The following CAPN5 variants were observed in gnomAD, a reference collection of about 807,000 sequenced individuals.
CAPN5 encodes the protein calpain-5.
A neutral mutation model predicts 73.0 loss-of-function variants in CAPN5; 54 were observed. The ratio of observed to expected loss-of-function variants is 0.74; its 90% CI spans 0.59 to 0.93. The LOEUF is 0.93. Among genes scored for constraint, CAPN5 ranks in the 40% least tolerant of loss-of-function variants. The pLI is 0.00. For missense variants in CAPN5, 785 were observed against 882.9 expected (o/e 0.89, Z 1.41); for synonymous variants, 335 against 356.9 (o/e 0.94, Z 0.69).
rs1459199941 is a variant in CAPN5 at position 77,125,639 on chromosome 11, T to TATATATATATAC, written c.*1770_*1771insTATATATATACA. ...CTATATATATATATATATATATATATACATTCATGTAATCACCACTTCTCG... is the reference window on the plus strand; with the variant it reads ...CTATATATATATATATATATATATATATATATATATACACATTCATGTAATCACCACTTCTCG... On this transcript the variant is annotated 3_prime_UTR_variant, in exon 13 of 13. Coordinates refer to ENST00000648180, the MANE Select transcript of CAPN5 (RefSeq NM_004055.5). 1 of 149,794 alleles carries TATATATATATAC rather than the reference T, an allele frequency of 6.7e-6. No homozygotes were observed. The highest frequency in any genetic ancestry group is 2.5e-5 in the African/African-American group (1 of 40,410). 9.3% of individuals were successfully genotyped at this position (149,794 alleles called of 1,614,324 possible). A position where few individuals can be genotyped will look rare whatever the true frequency, so the allele number is the denominator to read the frequency against.
At chr11:77,105,086 C>A (rs1950330136) in intron 3 of CAPN5, among the ~76,000 whole-genome samples, 1 of 151,690 alleles carries the variant, frequency 6.6e-6, no homozygotes, top group South Asian at 2.1e-4. Flanking sequence ...TGCTTGAGCT[C>A]TTCCTGCAGC....
intron 1 of CAPN5, among the ~76,000 whole-genome samples, chr11:77,081,791 G>T (rs996556964): frequency 6.6e-6 from 1 of 152,268 alleles, no homozygotes; most frequent in Non-Finnish European, 1.5e-5. Context: ...CTGTCAGGGA[G>T]GGGAGGAGAG....
rs71043542 is a variant in CAPN5 at position 77,067,632 on chromosome 11, CGTGT to C, written c.-36+573_-36+576del. Among the ~76,000 whole-genome samples, 324 of 126,728 alleles carry C rather than the reference CGTGT, an allele frequency of 2.6e-3. 1 individual carries two copies. The highest frequency in any genetic ancestry group is 0.012 in the Middle Eastern group (3 of 244). 83.1% of individuals were successfully genotyped at this position (126,728 alleles called of 152,430 possible). On this transcript the variant is annotated intron_variant, in intron 1 of 12. Transcript: ENST00000648180. ...TCTCCTTGACTGCAGGGCGGGCGCA[CGTGT>C]GTGTGTGTGTGTGTGTGTGTGTGTG...
At chr11:77,068,662 G>A (rs1555032550) in intron 1 of CAPN5, among the ~76,000 whole-genome samples, 1 of 152,196 alleles carries the variant, frequency 6.6e-6, no homozygotes, top group African/African-American at 2.4e-5. Flanking sequence ...ATAAGGAGGA[G>A]GCCAAAGCAG....
chr11:77,083,615 A>T (rs1950050026), intron 1 of CAPN5, among the ~76,000 whole-genome samples: 1 of 152,126 alleles, frequency 6.6e-6, no homozygotes, highest in Admixed American at 6.5e-5. Context: ...GGCCAGGGAA[A>T]TGGGGCGTCT....
At chr11:77,081,448 G>GC (rs1184625834) in intron 1 of CAPN5, among the ~76,000 whole-genome samples, 3 of 152,174 alleles carry the variant, frequency 2.0e-5, no homozygotes, top group African/African-American at 4.8e-5. Context: ...AGTTGTGGTA[G>GC]CCCCCCCATA....
At chr11:77,099,997 C>T (rs1171280412) in intron 3 of CAPN5, among the ~76,000 whole-genome samples, 6 of 152,006 alleles carry the variant, frequency 3.9e-5, no homozygotes, top group African/African-American at 7.3e-5. Flanking sequence ...CCACCATACC[C>T]GGCTAATTTT....
intron 3 of CAPN5, among the ~76,000 whole-genome samples, chr11:77,105,739 A>C (rs1468047973): frequency 6.6e-6 from 1 of 152,170 alleles, no homozygotes; most frequent in African/African-American, 2.4e-5. Flanking sequence ...GGAATTGTCA[A>C]ACCTGTGCTG....
intron 3 of CAPN5, among the ~76,000 whole-genome samples, chr11:77,099,763 C>T (rs142009766): frequency 6.4e-5 from 9 of 139,836 alleles, no homozygotes; most frequent in Non-Finnish European, 1.3e-4. Flanking sequence ...GAGAGGGAGA[C>T]GGAGAGGGAG....
chr11:77,074,266 T>C (rs534756038), intron 1 of CAPN5, among the ~76,000 whole-genome samples: 1 of 152,200 alleles, frequency 6.6e-6, no homozygotes, highest in South Asian at 2.1e-4. Flanking sequence ...ATCTGACCTT[T>C]AGTCTTGCCC....
chr11:77,122,857 T>A, intron 12 of CAPN5, 145 bp downstream of exon 12: 1 of 1,042,252 alleles, frequency 9.6e-7, no homozygotes, highest in Non-Finnish European at 1.4e-6. Flanking sequence ...ACCCCTGGTG[T>A]GGCTTTGGGA....
Position 77,116,247 on chromosome 11 carries a change from G to A in CAPN5, c.915G>A (p.Val305=). 6.2e-7 allele frequency: 1 copy of A among 1,613,408 alleles called. No individual in the cohort carries two copies. Among genetic ancestry groups the A allele is most frequent in the Non-Finnish European group, 8.5e-7 (1 of 1,179,756 alleles). The change falls in exon 7 of 13, where the codon GTG becomes GTA. Residue 305 remains valine, a synonymous_variant. Coordinates refer to ENST00000648180, the MANE Select transcript of CAPN5 (RefSeq NM_004055.5). The part of the protein sequence containing the change: ...WSDTSEEWQK[V]SKSEREKMGV... The stretch of plus-strand genomic sequence containing the variant: ...CCAGCTCGGAGGAGTGGCAGAAAGT[G>A]AGCAAGAGTGAGCGGGAGAAGATGG...
In CAPN5 at chr11:77,115,395, G is replaced by A. The variant is rs782240523; in HGVS notation, c.700G>A (p.Ala234Thr). 1 of 1,598,790 alleles carries A rather than the reference G, an allele frequency of 6.3e-7. No homozygotes were observed. Among genetic ancestry groups the A allele is most frequent in the Non-Finnish European group, 8.6e-7 (1 of 1,169,292 alleles). Residue 234 changes from alanine (A) to threonine (T), a missense_variant and splice_region_variant, in exon 6 of 13, where the codon GCA (alanine) becomes ACA (threonine). By Grantham distance (58) the Ala-to-Thr change is moderately conservative. Transcript: ENST00000648180. ...RGGLISASIKAVTAADMEARL... is the reference protein window; with the variant it reads ...RGGLISASIKTVTAADMEARL... The stretch of plus-strand genomic sequence containing the variant: ...TCTGAGCAACTGTGTCCCTCCACAG[G>A]CAGTGACAGCAGCTGACATGGAGGC...
intron 8 of CAPN5, 56 bp from the exon 9 acceptor site, chr11:77,118,974 C>T (rs1950495440): frequency 1.3e-6 from 2 of 1,564,000 alleles, no homozygotes; most frequent in Non-Finnish European, 1.7e-6. Flanking sequence ...CCAGCCAGCC[C>T]ATGCCTGGTG....
rs1318009681 is a variant in CAPN5, at chr11:77,113,013, G to C, written c.506+216G>C. The C allele has an allele frequency of 6.7e-6, 4 of 600,494 alleles. No homozygotes were observed. The Admixed American group carries it at 1.2e-4, about 18-fold the overall frequency. 37.2% of individuals were successfully genotyped at this position (600,494 alleles called of 1,614,324 possible). A position where few individuals can be genotyped will look rare whatever the true frequency, so the allele number is the denominator to read the frequency against. On this transcript the variant is annotated intron_variant, in intron 4 of 12. Transcript: ENST00000648180. Reference sequence around the variant, plus strand: ...TGGGCCCTGTAAGGAGAGGAATGTTGGTTACTCCCATTTTAGGGGGAGAAG... The same window carrying C: ...TGGGCCCTGTAAGGAGAGGAATGTTCGTTACTCCCATTTTAGGGGGAGAAG...
chr11:77,121,405 G>T (rs568331257), intron 10 of CAPN5, among the ~76,000 whole-genome samples: 1 of 152,246 alleles, frequency 6.6e-6, no homozygotes, highest in Non-Finnish European at 1.5e-5. Context: ...TGTGCGTCCC[G>T]CACTGCCCTC....
chr11:77,079,864 T>A (rs1565257195), intron 1 of CAPN5, among the ~76,000 whole-genome samples: 1 of 152,086 alleles, frequency 6.6e-6, no homozygotes, highest in Non-Finnish European at 1.5e-5. Flanking sequence ...TAGCAGTATC[T>A]CATTGTGGTT....
chr11:77,111,692 C>A (rs1233307334), intron 3 of CAPN5, among the ~76,000 whole-genome samples: 2 of 148,926 alleles, frequency 1.3e-5, no homozygotes, highest in Non-Finnish European at 3.0e-5. Context: ...CCTATATGGC[C>A]CTGCCCCCAG....
At chr11:77,102,494 C>A (rs1248903010) in intron 3 of CAPN5, among the ~76,000 whole-genome samples, 2 of 152,256 alleles carry the variant, frequency 1.3e-5, no homozygotes, top group African/African-American at 4.8e-5. Flanking sequence ...GTGCTCTCAT[C>A]TTCACAAACA....
Sources: gnomAD v4.1 joint callset for allele counts (sites outside exome capture counted in the v4.1 genomes callset) on GRCh38, gnomAD v4.1.1 for gene constraint, MANE v1.5 for transcripts, NCBI Gene and HGNC (gene_info 2026-07-23, HGNC 2026-07-21) for gene names.